Variants in ESR2 observed in about 807,000 individuals in gnomAD.
The protein encoded by ESR2 is estrogen receptor beta.
Under a neutral mutation model 49.6 loss-of-function variants are expected in ESR2, and 36 were observed. The ratio of observed to expected loss-of-function variants is 0.73; its 90% confidence interval spans 0.56 to 0.96. The LOEUF is 0.96. Among genes scored for constraint, ESR2 ranks in the 40% least tolerant of loss-of-function variants. The pLI is 0.00. For missense variants in ESR2, 714 were observed against 693.0 expected (o/e 1.03, Z -0.34); for synonymous variants, 320 against 266.1 (o/e 1.20, Z -1.97).
chr14:64,257,317 A>G lies in ESR2; in HGVS notation c.1000T>C (p.Cys334Arg). 6.2e-7 allele frequency: 1 copy of G among 1,613,882 alleles called. No individual in the cohort carries two copies. Among genetic ancestry groups the G allele is most frequent in the Non-Finnish European group, 8.5e-7 (1 of 1,180,016 alleles). The change falls in exon 6 of 9, where the codon TGT becomes CGT. Residue 334 changes from cysteine to arginine, a missense_variant. Physicochemically the swap from Cys to Arg is radical, Grantham distance 180. Transcript: ENST00000341099. ...CCCATCATTAACACCTCCATCCAAC[A>G]GCTCTCCAAGAGCCGCACTTGGTCG... ...LFDQVRLLES[C>R]WMEVLMMGLM...
At chr14:64,290,635 T>G (rs1018587598) in intron 1 of ESR2, among the ~76,000 whole-genome samples, 1 of 152,006 alleles carries the variant, frequency 6.6e-6, no homozygotes, top group African/African-American at 2.4e-5. Context: ...ACTCCTGCCC[T>G]CAAGTGATCC....
intron 1 of ESR2, among the ~76,000 whole-genome samples, chr14:64,321,898 G>A (rs2077328324): frequency 6.6e-6 from 1 of 152,054 alleles, no homozygotes; most frequent in East Asian, 1.9e-4. Context: ...AATAGACACT[G>A]GGGACTACCA....
At chr14:64,277,212 G>C (rs893497451) in intron 3 of ESR2, among the ~76,000 whole-genome samples, 1 of 152,140 alleles carries the variant, frequency 6.6e-6, no homozygotes, top group Non-Finnish European at 1.5e-5. Flanking sequence ...AGTATCAATG[G>C]AAAAGCAAGC....
intron 1 of ESR2, among the ~76,000 whole-genome samples, chr14:64,332,953 T>C (rs1047244386): frequency 8.8e-5 from 13 of 147,398 alleles, no homozygotes; most frequent in African/African-American, 3.2e-4. Flanking sequence ...CTCAGCTCAC[T>C]GCAAGCTCTG....
chr14:64,323,919 C>T (rs1567803322), intron 1 of ESR2, among the ~76,000 whole-genome samples: 2 of 152,090 alleles, frequency 1.3e-5, no homozygotes, highest in Non-Finnish European at 2.9e-5. Flanking sequence ...CTTGAACTCC[C>T]GACCTCAGGT....
rs935547313 is a variant in ESR2, at chr14:64,229,291, C to A, written c.*3846G>T. On this transcript the variant is annotated 3_prime_UTR_variant, in exon 9 of 9. Coordinates refer to ENST00000341099, the MANE Select transcript of ESR2 (RefSeq NM_001437.3). ...ACTCAGCTCACAAAGCAGATTCTCA[C>A]AGAAGCAAGTCCTGGGGCAGGAGCA... Among the ~76,000 whole-genome samples the A allele has an allele frequency of 2.0e-5, 3 of 152,144 alleles. No individual in the cohort carries two copies. Among genetic ancestry groups the A allele is most frequent in the Admixed American group, 2.0e-4 (3 of 15,284 alleles).
Position 64,268,990 on chromosome 14 carries a change from A to G in ESR2, c.536-79T>C. On this transcript the variant is annotated intron_variant, in intron 3 of 8. Coordinates refer to ENST00000341099, the MANE Select transcript of ESR2 (RefSeq NM_001437.3). ...TCTCTTCCTGGTCAACAACACTGAT[A>G]ACACTTTCCAGCTGAGAGATAGGGG... 3 of 838,410 alleles carry G rather than the reference A, an allele frequency of 3.6e-6. No homozygotes were observed. The Admixed American group carries it at 5.7e-5, about 16-fold the overall frequency. The allele number at this position is 838,410 out of a possible 1,614,324, so 51.9% of individuals were successfully genotyped here. A position where few individuals can be genotyped will look rare whatever the true frequency, so the allele number is the denominator to read the frequency against.
intron 1 of ESR2, among the ~76,000 whole-genome samples, chr14:64,283,747 CAAAAAAAA>C (rs757997424): frequency 1.1e-4 from 5 of 45,552 alleles, no homozygotes; most frequent in East Asian, 8.1e-4. Context: ...GACCCTGTCT[CAAAAAAAA>C]AAAAAAAAAA....
rs2075888161 is a variant in ESR2, at chr14:64,247,488, T to C, written c.1225+2058A>G. Among the ~76,000 whole-genome samples the C allele has an allele frequency of 1.3e-5, 2 of 152,226 alleles. 1 individual carries two copies. Among genetic ancestry groups the C allele is most frequent in the South Asian group, 4.1e-4 (2 of 4,834 alleles). On this transcript the variant is annotated intron_variant, in intron 7 of 8. Transcript: ENST00000341099. ...ATCTTGGCTTCAGGAACTGCTACTTTGGCTGATTTAAAGACCGTAGTATAA... is the reference window on the plus strand; with the variant it reads ...ATCTTGGCTTCAGGAACTGCTACTTCGGCTGATTTAAAGACCGTAGTATAA...
At chr14:64,326,748 A>G (rs1295746184) in intron 1 of ESR2, among the ~76,000 whole-genome samples, 1 of 152,250 alleles carries the variant, frequency 6.6e-6, no homozygotes, top group East Asian at 1.9e-4. Context: ...AAACTCCGCT[A>G]TCTTATTCTG....
chr14:64,234,893 TC>T (rs756997470), intron 8 of ESR2, 76 bp downstream of exon 8: 7 of 1,565,682 alleles, frequency 4.5e-6, no homozygotes, highest in Non-Finnish European at 4.3e-6. Flanking sequence ...CAGACACTTT[TC>T]CCAAATCACT....
intron 3 of ESR2, among the ~76,000 whole-genome samples, chr14:64,276,583 G>A (rs1256037): frequency 0.65 from 99,537 of 152,054 alleles, 34,162 homozygotes; most frequent in African/African-American, 0.88. Context: ...AAACATTAAT[G>A]CACTCTGACC....
At position 64,228,334 on chromosome 14, in the gene ESR2, A is replaced by G. The variant is rs1410581899; in HGVS notation, c.*4803T>C. ...CAAATACATTTTTAAAGCCAAAATA[A>G]TGAAACACTTTATTTATATCATGTT... is the stretch of plus-strand genomic sequence containing the variant. On this transcript the variant is annotated 3_prime_UTR_variant, in exon 9 of 9. Transcript: ENST00000341099. 6.6e-6 allele frequency among the ~76,000 whole-genome samples: 1 copy of G among 152,236 alleles called. No homozygotes were observed. The highest frequency in any genetic ancestry group is 6.5e-5 in the Admixed American group (1 of 15,290).
chr14:64,257,628 T>A (rs1332566849), intron 5 of ESR2, among the ~76,000 whole-genome samples: 2 of 152,172 alleles, frequency 1.3e-5, no homozygotes, highest in Admixed American at 1.3e-4. Context: ...GGCTCAGAAC[T>A]GATCTTTGTT....
chr14:64,244,817 T>G (rs1392716691), intron 7 of ESR2, among the ~76,000 whole-genome samples: 3 of 152,220 alleles, frequency 2.0e-5, no homozygotes, highest in Non-Finnish European at 4.4e-5. Context: ...TTTATCTGCC[T>G]ACCTACCTAT....
rs1226004609 is a variant in ESR2 at position 64,230,867 on chromosome 14, A to G, written c.*2270T>C. On this transcript the variant is annotated 3_prime_UTR_variant, in exon 9 of 9. Coordinates refer to ENST00000341099, the MANE Select transcript of ESR2 (RefSeq NM_001437.3). ...GATCTACTCTCAAAAAAAAAAAATTATATATATATATATATATATATTTCG... is the reference window on the plus strand; with the variant it reads ...GATCTACTCTCAAAAAAAAAAAATTGTATATATATATATATATATATTTCG... The G allele has an allele frequency of 3.5e-5, 1 of 28,612 alleles. No homozygotes were observed. The highest frequency in any genetic ancestry group is 6.7e-5 in the Non-Finnish European group (1 of 14,964). 1.8% of individuals were successfully genotyped at this position (28,612 alleles called of 1,614,324 possible).
chr14:64,251,295 A>C (rs1019859160), intron 6 of ESR2, among the ~76,000 whole-genome samples: 3 of 139,848 alleles, frequency 2.1e-5, no homozygotes, highest in African/African-American at 8.5e-5. Context: ...GTTTGAAAAT[A>C]TCTCTATGGG....
At chr14:64,334,119 C>G (rs1421481475) in intron 1 of ESR2, among the ~76,000 whole-genome samples, 1 of 152,002 alleles carries the variant, frequency 6.6e-6, no homozygotes, top group Non-Finnish European at 1.5e-5. Flanking sequence ...TTCTGTAAAT[C>G]CTAGTAGAAA....
rs929758376 is a variant in ESR2, at chr14:64,231,225, T to C, written c.*1912A>G. ...TGTTTTTGTTACCTGGTAATCTCTT[T>C]TAAAAATACATTTAATAGAATTTCA... On this transcript the variant is annotated 3_prime_UTR_variant, in exon 9 of 9. Coordinates refer to ENST00000341099, the MANE Select transcript of ESR2 (RefSeq NM_001437.3). 1 of 152,174 alleles carries C rather than the reference T, an allele frequency of 6.6e-6. No homozygotes were observed. Among genetic ancestry groups the C allele is most frequent in the African/African-American group, 2.4e-5 (1 of 41,446 alleles). 9.4% of individuals were successfully genotyped at this position (152,174 alleles called of 1,614,324 possible).
Sources: gnomAD v4.1 joint callset for allele counts (sites outside exome capture counted in the v4.1 genomes callset) on GRCh38, gnomAD v4.1.1 for gene constraint, MANE v1.5 for transcripts, NCBI Gene and HGNC (gene_info 2026-07-23, HGNC 2026-07-21) for gene names.